SHOC2: variants seen among roughly 807,000 people sequenced by gnomAD.
The protein encoded by SHOC2 is leucine-rich repeat protein SHOC-2.
A neutral mutation model predicts 50.2 loss-of-function variants in SHOC2; 4 were observed. The ratio of observed to expected loss-of-function variants is 0.08; its 90% CI spans 0.04 to 0.18. The LOEUF is 0.18. Among genes scored for constraint, SHOC2 ranks in the 10% least tolerant of loss-of-function variants. The pLI is 1.00. For missense variants in SHOC2, 388 were observed against 669.6 expected (o/e 0.58, Z 4.64); for synonymous variants, 218 against 244.5 (o/e 0.89, Z 1.01).
chr10:110,983,188 C>T (rs1417449952), intron 2 of SHOC2, among the ~76,000 whole-genome samples: 6 of 151,580 alleles, frequency 4.0e-5, no homozygotes, highest in Non-Finnish European at 7.4e-5. Flanking sequence ...TTTTTTATTG[C>T]TAATATTTGA....
intron 3 of SHOC2, among the ~76,000 whole-genome samples, chr10:110,995,877 C>T (rs969062139): frequency 1.6e-4 from 25 of 152,172 alleles, no homozygotes; most frequent in African/African-American, 4.8e-4. Flanking sequence ...CTCTCCTGTT[C>T]CTAGAGACAG....
intron 1 of SHOC2, among the ~76,000 whole-genome samples, chr10:110,931,635 C>T (rs1292847155): frequency 1.3e-5 from 2 of 151,992 alleles, no homozygotes; most frequent in Admixed American, 1.3e-4. Flanking sequence ...AGGGGAACTC[C>T]ATGCATGAGA....
At chr10:110,958,703 A>G (rs772093081) in intron 1 of SHOC2, among the ~76,000 whole-genome samples, 4 of 151,772 alleles carry the variant, frequency 2.6e-5, no homozygotes, top group Non-Finnish European at 5.9e-5. Flanking sequence ...CTAAGTATAA[A>G]TTTGTTCAAA....
At chr10:110,988,067 C>A (rs1848114180) in intron 3 of SHOC2, among the ~76,000 whole-genome samples, 1 of 151,990 alleles carries the variant, frequency 6.6e-6, no homozygotes, top group Admixed American at 6.6e-5. Flanking sequence ...TTGATAAAAA[C>A]CCGGATAATA....
intron 2 of SHOC2, among the ~76,000 whole-genome samples, chr10:110,974,341 G>A (rs1847837136): frequency 6.6e-6 from 1 of 151,658 alleles, no homozygotes; most frequent in Non-Finnish European, 1.5e-5. Flanking sequence ...TATAAAATAG[G>A]GCTTGTCTTG....
chr10:110,937,550 ACTCTC>A (rs1847051591), intron 1 of SHOC2, among the ~76,000 whole-genome samples: 1 of 151,772 alleles, frequency 6.6e-6, no homozygotes, highest in Non-Finnish European at 1.5e-5. Context: ...TCTGTTTCTC[ACTCTC>A]CTCTCCTAGT....
At chr10:110,954,173 T>C (rs1225855536) in intron 1 of SHOC2, among the ~76,000 whole-genome samples, 3 of 151,586 alleles carry the variant, frequency 2.0e-5, no homozygotes, top group Non-Finnish European at 4.4e-5. Flanking sequence ...AAATATTTAC[T>C]TATATTAATA....
intron 2 of SHOC2, among the ~76,000 whole-genome samples, chr10:110,969,769 G>T (rs767261972): frequency 2.0e-5 from 3 of 151,946 alleles, no homozygotes; most frequent in African/African-American, 2.4e-5. Context: ...TTTCATGTGG[G>T]TCTAGTTGTC....
intron 1 of SHOC2, chr10:110,937,097 T>C (rs1240732451): frequency 6.8e-7 from 1 of 1,472,444 alleles, no homozygotes; most frequent in East Asian, 2.3e-5. Flanking sequence ...TCTGTAGAAA[T>C]TGCCAGAAAT....
intron 1 of SHOC2, chr10:110,919,976 G>T (rs1311838240): frequency 6.6e-6 from 1 of 151,026 alleles, no homozygotes; most frequent in Non-Finnish European, 1.5e-5. Flanking sequence ...GGCGGCGGGC[G>T]GCCCGGACAG....
At chr10:110,968,046 G>C (rs755601940) in intron 2 of SHOC2, among the ~76,000 whole-genome samples, 13 of 152,130 alleles carry the variant, frequency 8.5e-5, no homozygotes, top group African/African-American at 1.9e-4. Flanking sequence ...TTACTAGACT[G>C]TTTTCCAAAG....
intron 3 of SHOC2, chr10:110,989,009 T>C (rs1848132681): frequency 2.0e-6 from 1 of 507,922 alleles, no homozygotes; most frequent in East Asian, 5.6e-5. Flanking sequence ...ACCAACCTGA[T>C]AGAAGAATGT....
At chr10:110,919,788 AGC>A in intron 1 of SHOC2, 131 bp downstream of exon 1, 1 of 392,424 alleles carries the variant, frequency 2.5e-6, no homozygotes, top group Non-Finnish European at 4.5e-6. Context: ...GCGAGCCGGC[AGC>A]GCCGGGGCGA....
intron 2 of SHOC2, among the ~76,000 whole-genome samples, chr10:110,965,754 AAAAAAT>A (rs1847662012): frequency 6.6e-6 from 1 of 152,182 alleles, no homozygotes; most frequent in Non-Finnish European, 1.5e-5. Context: ...TAGTAGGAGA[AAAAAAT>A]AGGGAATATA....
intron 2 of SHOC2, among the ~76,000 whole-genome samples, chr10:110,968,362 CT>C (rs1359887367): frequency 6.6e-5 from 10 of 151,966 alleles, no homozygotes; most frequent in Non-Finnish European, 1.5e-4. Context: ...AAAATAAGAC[CT>C]GTGCTCAATG....
At chr10:110,981,717 A>G (rs1448113952) in intron 2 of SHOC2, among the ~76,000 whole-genome samples, 1 of 152,080 alleles carries the variant, frequency 6.6e-6, no homozygotes, top group Non-Finnish European at 1.5e-5. Context: ...ACTTCTTTAG[A>G]CTGTTGATAT....
chr10:110,959,895 C>A (rs1293156288), intron 1 of SHOC2, among the ~76,000 whole-genome samples: 2 of 152,226 alleles, frequency 1.3e-5, no homozygotes, highest in African/African-American at 4.8e-5. Context: ...ATCATAGCCT[C>A]TTCTCCTTCA....
chr10:110,954,673 A>G (rs1171139964), intron 1 of SHOC2, among the ~76,000 whole-genome samples: 1 of 152,232 alleles, frequency 6.6e-6, no homozygotes, highest in African/African-American at 2.4e-5. Flanking sequence ...AAATAAACAT[A>G]AAAGAGTAAA....
rs1848579210 is a variant in SHOC2, at chr10:111,012,209, G to A, written c.*391G>A. On this transcript the variant is annotated 3_prime_UTR_variant, in exon 9 of 9. Coordinates refer to ENST00000369452, the MANE Select transcript of SHOC2 (RefSeq NM_007373.4). ...CATATATATTTTCCCCTTACCAATT[G>A]TTTTATCCTTATAGTATTGTAGGCC... 4.6e-6 allele frequency: 1 copy of A among 216,124 alleles called. No homozygotes were observed. The highest frequency in any genetic ancestry group is 9.3e-6 in the Non-Finnish European group (1 of 107,460). The allele number at this position is 216,124 out of a possible 1,614,324, so 13.4% of individuals were successfully genotyped here.
Sources: gnomAD v4.1 joint callset for allele counts (sites outside exome capture counted in the v4.1 genomes callset) on GRCh38, gnomAD v4.1.1 for gene constraint, MANE v1.5 for transcripts, NCBI Gene and HGNC (gene_info 2026-07-23, HGNC 2026-07-21) for gene names.